PLD5: variants seen among roughly 807,000 people sequenced by gnomAD.
The protein encoded by PLD5 is inactive phospholipase D5.
PLD5 carries 36 observed loss-of-function variants against 61.1 expected under a neutral mutation model. The ratio of observed to expected loss-of-function variants is 0.59; its 90% CI spans 0.45 to 0.78. The LOEUF (loss-of-function observed/expected upper bound fraction) is 0.78, where lower values mean the gene tolerates loss of function less well. Ranked by LOEUF, PLD5 falls within the 30% of genes least tolerant of loss-of-function variation. PLD5 has a pLI of 0.00. For synonymous variants in PLD5, 243 were observed against 242.8 expected (o/e 1.00, Z -0.01); for missense variants, 515 against 644.4 (o/e 0.80, Z 2.17).
chr1:242,323,719 T>C (rs1349502590), intron 2 of PLD5, among the ~76,000 whole-genome samples: 1 of 152,192 alleles, frequency 6.6e-6, no homozygotes, highest in Non-Finnish European at 1.5e-5. Flanking sequence ...GGAAAGCACA[T>C]TTAAACATTT....
intron 5 of PLD5, among the ~76,000 whole-genome samples, chr1:242,212,512 G>T (rs1000065661): frequency 6.6e-6 from 1 of 152,218 alleles, no homozygotes; most frequent in African/African-American, 2.4e-5. Flanking sequence ...TAGTAGCAAC[G>T]CAATGAGGAG....
intron 1 of PLD5, among the ~76,000 whole-genome samples, chr1:242,470,837 A>G (rs1477653926): frequency 6.6e-6 from 1 of 152,198 alleles, no homozygotes; most frequent in Non-Finnish European, 1.5e-5. Context: ...TTCTGTGTCC[A>G]GGAATCTCAG....
intron 5 of PLD5, among the ~76,000 whole-genome samples, chr1:242,132,082 C>T (rs9803843): frequency 0.53 from 80,637 of 150,960 alleles, 21,886 homozygotes; most frequent in African/African-American, 0.63. Context: ...CTGCCCACCT[C>T]AGCCTCCTAA....
chr1:242,301,434 T>C (rs1405281554), intron 2 of PLD5, among the ~76,000 whole-genome samples: 2 of 151,990 alleles, frequency 1.3e-5, no homozygotes, highest in South Asian at 4.2e-4. Flanking sequence ...CTGAAGGCAA[T>C]AGAGAAGAAA....
chr1:242,401,163 G>C (rs1366879427), intron 1 of PLD5, among the ~76,000 whole-genome samples: 1 of 152,138 alleles, frequency 6.6e-6, no homozygotes, highest in Non-Finnish European at 1.5e-5. Flanking sequence ...GCCTAGGCAT[G>C]ATCTTCGATT....
At chr1:242,470,998 C>T (rs1667434059) in intron 1 of PLD5, among the ~76,000 whole-genome samples, 1 of 152,214 alleles carries the variant, frequency 6.6e-6, no homozygotes, top group Non-Finnish European at 1.5e-5. Context: ...CACTGTAGAT[C>T]CCCTTCCAGG....
At chr1:242,348,393 C>T (rs12135285) in intron 1 of PLD5, among the ~76,000 whole-genome samples, 151 bp from the exon 2 acceptor site, 8,507 of 152,214 alleles carry the variant, frequency 0.056, 303 homozygotes, top group Middle Eastern at 0.11. Flanking sequence ...AGTGAACATG[C>T]CAAAGATCTT....
At chr1:242,505,270 G>A (rs1008734251) in intron 1 of PLD5, among the ~76,000 whole-genome samples, 3 of 152,152 alleles carry the variant, frequency 2.0e-5, no homozygotes, top group Non-Finnish European at 4.4e-5. Flanking sequence ...TTTTTATTCT[G>A]TTTTAAAGAG....
chr1:242,136,135 T>C (rs1218557534), intron 5 of PLD5, among the ~76,000 whole-genome samples: 2 of 152,152 alleles, frequency 1.3e-5, no homozygotes, highest in African/African-American at 2.4e-5. Flanking sequence ...TTTCTGAAAA[T>C]AGAAGTAGGA....
chr1:242,523,877 T>C (rs1669357547), intron 1 of PLD5, among the ~76,000 whole-genome samples: 1 of 152,122 alleles, frequency 6.6e-6, no homozygotes, highest in African/African-American at 2.4e-5. Flanking sequence ...ACCAAGAGCC[T>C]GAAAGGGAAC....
intron 1 of PLD5, among the ~76,000 whole-genome samples, chr1:242,504,996 G>GATTAGC (rs1457008252): frequency 6.6e-6 from 1 of 151,980 alleles, no homozygotes; most frequent in Non-Finnish European, 1.5e-5. Flanking sequence ...TCTCTAAAAA[G>GATTAGC]ATTAGCATAA....
intron 6 of PLD5, among the ~76,000 whole-genome samples, chr1:242,119,598 G>A (rs1184328022): frequency 1.3e-5 from 2 of 152,088 alleles, no homozygotes; most frequent in African/African-American, 2.4e-5. Context: ...CGATAAGCAC[G>A]TTAGAAGATT....
chr1:242,194,968 A>T (rs903572187), intron 5 of PLD5, among the ~76,000 whole-genome samples: 2 of 152,172 alleles, frequency 1.3e-5, no homozygotes, highest in South Asian at 4.1e-4. Flanking sequence ...CTCACGAATC[A>T]TCACTAAAGA....
At chr1:242,449,661 TTA>T (rs1365885855) in intron 1 of PLD5, among the ~76,000 whole-genome samples, 1 of 152,320 alleles carries the variant, frequency 6.6e-6, no homozygotes, top group East Asian at 1.9e-4. Flanking sequence ...CTATGTTTAA[TTA>T]TGTTTCTCCC....
At chr1:242,410,290 T>C (rs1460713162) in intron 1 of PLD5, among the ~76,000 whole-genome samples, 1 of 152,138 alleles carries the variant, frequency 6.6e-6, no homozygotes, top group Non-Finnish European at 1.5e-5. Context: ...CAAGATACTA[T>C]GAGAACTGTC....
rs535803090 is a variant in PLD5, at chr1:242,290,316, T to A, written c.327-1786A>T. Among the ~76,000 whole-genome samples the A allele has an allele frequency of 8.9e-5, 13 of 145,392 alleles. No homozygotes were observed. The South Asian group carries it at 2.5e-3, about 28-fold the overall frequency. ...TGAAATTCGTCTTCAAAGATGAAAA[T>A]TTTTTATGAGTGAGTTGGAAGAGAA... On this transcript the variant is annotated intron_variant, in intron 2 of 9. Transcript: ENST00000536534.
At chr1:242,526,312 G>A (rs759720048), upstream of PLD5, among the ~76,000 whole-genome samples, 4 of 152,198 alleles carry the variant, frequency 2.6e-5, no homozygotes, top group Non-Finnish European at 2.9e-5. Flanking sequence ...CTGAAGCCTG[G>A]GAAGAGGAGG....
intron 1 of PLD5, among the ~76,000 whole-genome samples, chr1:242,512,228 G>C (rs547771869): frequency 9.3e-5 from 14 of 150,932 alleles, no homozygotes; most frequent in Non-Finnish European, 1.8e-4. Context: ...TGGCTAACAC[G>C]GTGAAACCTC....
At chr1:242,337,998 A>G (rs555498088) in intron 2 of PLD5, among the ~76,000 whole-genome samples, 15 of 152,258 alleles carry the variant, frequency 9.9e-5, no homozygotes, top group Non-Finnish European at 1.9e-4. Context: ...TGAAGCATAA[A>G]CCCATTCTGA....
Sources: gnomAD v4.1 joint callset for allele counts (sites outside exome capture counted in the v4.1 genomes callset) on GRCh38, gnomAD v4.1.1 for gene constraint, MANE v1.5 for transcripts, NCBI Gene and HGNC (gene_info 2026-07-23, HGNC 2026-07-21) for gene names.